Variants in METTL27 observed in about 807,000 individuals in gnomAD.
METTL27 encodes methyltransferase like 27, also known as methyltransferase-like protein 27.
A neutral mutation model predicts 24.5 loss-of-function variants in METTL27; 29 were observed. The ratio of observed to expected loss-of-function variants is 1.18; its 90% CI spans 0.88 to 1.61. METTL27 has a LOEUF of 1.61. METTL27 is among the 40% of genes most tolerant of loss of function. The pLI is 0.00. For synonymous variants in METTL27, 138 were observed against 146.8 expected, an observed-to-expected ratio of 0.94 and a Z score of 0.43; for missense variants, 341 against 324.3, an observed-to-expected ratio of 1.05 and a Z score of -0.40.
chr7:73,836,721 G>A (rs1286642097), intron 5 of METTL27, among the ~76,000 whole-genome samples: 1 of 72,676 alleles, frequency 1.4e-5, no homozygotes, highest in African/African-American at 4.2e-5. Flanking sequence ...GCCTCTGCCC[G>A]GCCGCCCCTA....
At chr7:73,835,376 G>C (rs981134933) in intron 5 of METTL27, among the ~76,000 whole-genome samples, 3 of 144,556 alleles carry the variant, frequency 2.1e-5, no homozygotes, top group African/African-American at 8.0e-5. Flanking sequence ...GACTCGCGCC[G>C]CCACGCCTGA....
At chr7:73,836,909 T>C (rs1445193305) in intron 5 of METTL27, among the ~76,000 whole-genome samples, 1 of 121,286 alleles carries the variant, frequency 8.2e-6, no homozygotes, top group Non-Finnish European at 1.8e-5. Flanking sequence ...GAAGTAGACA[T>C]GGGAGACTTT....
intron 5 of METTL27, among the ~76,000 whole-genome samples, chr7:73,838,001 C>T (rs1788254836): frequency 6.6e-6 from 1 of 151,658 alleles, no homozygotes; most frequent in Non-Finnish European, 1.5e-5. Flanking sequence ...AGGTGCTCAC[C>T]ACCACGCCTG....
intron 5 of METTL27, among the ~76,000 whole-genome samples, chr7:73,835,713 A>C (rs1584334957): frequency 2.3e-5 from 2 of 85,472 alleles, no homozygotes; most frequent in Admixed American, 1.2e-4. Context: ...CTGGCTGCCC[A>C]GTCTGGAAAG....
At chr7:73,839,962 T>G in intron 5 of METTL27, 69 bp downstream of exon 5, 2 of 1,423,032 alleles carry the variant, frequency 1.4e-6, no homozygotes, top group Non-Finnish European at 1.9e-6. Flanking sequence ...GGGGCCTGTG[T>G]CTGCACTATG....
chr7:73,836,404 G>A (rs1288097571), intron 5 of METTL27, among the ~76,000 whole-genome samples: 1 of 135,580 alleles, frequency 7.4e-6, no homozygotes, highest in Non-Finnish European at 1.6e-5. Flanking sequence ...GGAGGGAGGT[G>A]GGGGGGTCAG....
Position 73,842,108 on chromosome 7 carries a change from C to G in METTL27, c.33G>C (p.Glu11Asp), listed in dbSNP as rs1554636601. 1 of 1,613,110 alleles carries G rather than the reference C, an allele frequency of 6.2e-7. No homozygotes were observed. Among genetic ancestry groups the G allele is most frequent in the South Asian group, 1.1e-5 (1 of 91,046 alleles). MAQEEGGSLP[E>D]VRARVRAAHG... is the part of the protein sequence containing the mutation. The stretch of plus-strand genomic sequence containing the variant: ...GCGCGGCCCTGACCCGCGCCCGCAC[C>G]TCGGGCAGGCTCCCACCCTCCTCCT... The change falls in exon 2 of 6, where the codon GAG becomes GAC. Residue 11 changes from glutamate (E) to aspartate (D), a missense_variant. Transcript: ENST00000297873.
At chr7:73,841,720 C>T (rs1194579118) in intron 2 of METTL27, among the ~76,000 whole-genome samples, 3 of 152,114 alleles carry the variant, frequency 2.0e-5, no homozygotes, top group Admixed American at 6.5e-5. Context: ...TCAGGTGATC[C>T]GCCCGCCTCG....
intron 2 of METTL27, 57 bp from the exon 3 acceptor site, chr7:73,841,255 C>T: frequency 6.5e-7 from 1 of 1,527,602 alleles, no homozygotes; most frequent in Non-Finnish European, 8.7e-7. Context: ...GGGGATCTCC[C>T]TTATGGGGTG....
rs782124859 is a variant in METTL27 at position 73,841,172 on chromosome 7, C to T, written c.150G>A (p.Ala50=). 118 of 1,552,780 alleles carry T rather than the reference C, an allele frequency of 7.6e-5. No homozygotes were observed. The highest frequency in any genetic ancestry group is 9.8e-5 in the Non-Finnish European group (114 of 1,157,900). The change falls in exon 3 of 6, where the codon GCG becomes GCA. Residue 50 remains alanine (A), a synonymous_variant. Transcript: ENST00000297873. ...TGAGGCAGTCCACTGCGAGGCGGGG[C>T]GCACGGTACAGCAGGGTGGCCACAT... ...DQDVATLLYR[A]PRLAVDCLTQ...
intron 5 of METTL27, among the ~76,000 whole-genome samples, chr7:73,837,492 A>G (rs1788244451): frequency 6.7e-6 from 1 of 148,236 alleles, no homozygotes; most frequent in African/African-American, 2.4e-5. Flanking sequence ...AAAAAAAAAA[A>G]GAAAAAGAAA....
intron 3 of METTL27, 78 bp downstream of exon 3, chr7:73,840,992 G>A: frequency 7.2e-7 from 1 of 1,396,522 alleles, no homozygotes; most frequent in East Asian, 3.0e-5. Context: ...GTGGGGCAGG[G>A]TTCTGGGGCC....
At chr7:73,838,978 C>G (rs1335587816) in intron 5 of METTL27, among the ~76,000 whole-genome samples, 3 of 152,168 alleles carry the variant, frequency 2.0e-5, no homozygotes, top group Non-Finnish European at 4.4e-5. Flanking sequence ...GGAAATGCCT[C>G]TCTTCTCTAC....
intron 3 of METTL27, among the ~76,000 whole-genome samples, chr7:73,840,857 T>C (rs1179693843): frequency 6.6e-6 from 1 of 152,072 alleles, no homozygotes; most frequent in Non-Finnish European, 1.5e-5. Flanking sequence ...ACAGGGGTCT[T>C]GCTATGTTGC....
intron 5 of METTL27, among the ~76,000 whole-genome samples, chr7:73,836,138 T>C (rs1584335705): frequency 2.0e-5 from 2 of 101,962 alleles, no homozygotes; most frequent in Admixed American, 1.9e-4. Context: ...GGTGGGGGGG[T>C]CAGCCCCCTG....
chr7:73,835,120 T>TCTCTCC (rs147740582), intron 5 of METTL27, 118 bp from the exon 6 acceptor site: 196 of 1,135,792 alleles, frequency 1.7e-4, no homozygotes, highest in African/African-American at 1.5e-3. Context: ...TTGGGGACGC[T>TCTCTCC]CTCTCCCTCT....
Position 73,834,732 on chromosome 7 carries a change from G to A in METTL27, c.*11C>T. ...GGAGTCAGGGGCCAGCTGGGGGCTG[G>A]GGGCTGGATCTCACTTCCTCAACCT... is the stretch of plus-strand genomic sequence containing the variant. On this transcript the variant is annotated 3_prime_UTR_variant, in exon 6 of 6. Coordinates refer to ENST00000297873, the MANE Select transcript of METTL27 (RefSeq NM_152559.3). The A allele has an allele frequency of 6.2e-7, 1 of 1,610,940 alleles. No individual in the cohort carries two copies. Among genetic ancestry groups the A allele is most frequent in the Non-Finnish European group, 8.5e-7 (1 of 1,178,240 alleles).
In METTL27 at chr7:73,834,904, A is replaced by G; in HGVS notation, c.577T>C (p.Trp193Arg). 1.9e-6 allele frequency: 3 copies of G among 1,613,900 alleles called. No homozygotes were observed. Among genetic ancestry groups the G allele is most frequent in the South Asian group, 2.2e-5 (2 of 91,068 alleles). The part of the protein sequence containing the change: ...TLDRLEQAGM[W>R]EGLVAWPVDR... ...ACAGGCCAGGCCACCAGGCCTTCCC[A>G]CATCCCAGCCTGCTCCAGCCTGTCC... Residue 193 changes from tryptophan to arginine, a missense_variant, in exon 6 of 6, where the codon TGG becomes CGG. Coordinates refer to ENST00000297873, the MANE Select transcript of METTL27 (RefSeq NM_152559.3).
chr7:73,838,195 CCTCACCA>C (rs1788260482), intron 5 of METTL27, among the ~76,000 whole-genome samples: 1 of 152,104 alleles, frequency 6.6e-6, no homozygotes. Context: ...GAGACACCCT[CCTCACCA>C]CTCACCACTC....
Sources: allele counts gnomAD v4.1 joint callset (sites outside exome capture counted in the v4.1 genomes callset), GRCh38; gene constraint gnomAD v4.1.1; transcripts MANE v1.5; gene names NCBI Gene and HGNC (gene_info 2026-07-23, HGNC 2026-07-21).